The following NFIL3 variants were observed in gnomAD, a reference collection of about 807,000 sequenced individuals.
NFIL3 encodes the protein nuclear factor interleukin-3-regulated protein.
A neutral mutation model predicts 10.0 loss-of-function variants in NFIL3; 5 were observed. The observed-to-expected ratio is 0.50, with a 90% CI of 0.26 to 1.06. The LOEUF is 1.06. Among genes scored for constraint, NFIL3 ranks in the 50% least tolerant of loss-of-function variants. The pLI, the probability that NFIL3 is intolerant of heterozygous loss-of-function variation, is 0.13. For missense variants in NFIL3, 436 were observed against 547.6 expected (o/e 0.80, Z 2.03); for synonymous variants, 202 against 206.5 (o/e 0.98, Z 0.19).
chr9:91,458,319 G>T, the NFIL3 span, among the ~76,000 whole-genome samples: 4 of 152,058 alleles, frequency 2.6e-5, no homozygotes, highest in South Asian at 4.1e-4. Context: ...ATTTCATTAT[G>T]AGATTCAGGG....
the NFIL3 span, among the ~76,000 whole-genome samples, chr9:91,429,142 A>G: frequency 2.6e-5 from 4 of 152,228 alleles, no homozygotes; most frequent in Non-Finnish European, 4.4e-5. Flanking sequence ...ATCCAGTTCA[A>G]ATCAACGAAG....
chr9:91,424,806 C>T (rs1317566349), upstream of NFIL3, among the ~76,000 whole-genome samples: 1 of 152,212 alleles, frequency 6.6e-6, no homozygotes, highest in Non-Finnish European at 1.5e-5. Context: ...TTGAGACGAC[C>T]GCGCGGGATC....
chr9:91,418,641 A>T (rs545605536), intron 1 of NFIL3, among the ~76,000 whole-genome samples: 115 of 152,342 alleles, frequency 7.5e-4, no homozygotes, highest in African/African-American at 2.5e-3. Context: ...AGGCCAGTTA[A>T]TTACAGTTTA....
the NFIL3 span, among the ~76,000 whole-genome samples, chr9:91,457,935 T>C: frequency 6.6e-6 from 1 of 152,068 alleles, no homozygotes; most frequent in Non-Finnish European, 1.5e-5. Flanking sequence ...TCATACAGTT[T>C]TTTTCTTTTC....
the NFIL3 span, among the ~76,000 whole-genome samples, chr9:91,454,946 A>G: frequency 1.3e-5 from 2 of 152,330 alleles, no homozygotes; most frequent in South Asian, 4.1e-4. Context: ...TTAAATGTCT[A>G]CTATGTGTTA....
At chr9:91,422,317 T>C (rs1833785538) in intron 1 of NFIL3, among the ~76,000 whole-genome samples, 1 of 152,122 alleles carries the variant, frequency 6.6e-6, no homozygotes, top group Non-Finnish European at 1.5e-5. Flanking sequence ...ACACCAGAAA[T>C]AGCACTGCGA....
upstream of NFIL3, among the ~76,000 whole-genome samples, chr9:91,428,661 C>A (rs972471100): frequency 1.4e-4 from 21 of 152,180 alleles, no homozygotes; most frequent in African/African-American, 5.1e-4. Flanking sequence ...GACATGATTT[C>A]CCCAGACAAA....
the NFIL3 span, among the ~76,000 whole-genome samples, chr9:91,453,876 CATT>C: frequency 6.6e-6 from 1 of 152,020 alleles, no homozygotes; most frequent in Non-Finnish European, 1.5e-5. Flanking sequence ...TGGAATTAAA[CATT>C]AGTTTTTGAC....
chr9:91,461,996 T>G, the NFIL3 span, among the ~76,000 whole-genome samples: 12 of 152,080 alleles, frequency 7.9e-5, no homozygotes, highest in Admixed American at 7.9e-4. Flanking sequence ...TAGTCAACAT[T>G]AACAAAATGG....
the NFIL3 span, among the ~76,000 whole-genome samples, chr9:91,476,749 C>T: frequency 1.3e-5 from 2 of 152,176 alleles, no homozygotes; most frequent in African/African-American, 4.8e-5. Flanking sequence ...CTGAATATCA[C>T]ATTTTGTAAA....
the NFIL3 span, among the ~76,000 whole-genome samples, chr9:91,449,650 G>A: frequency 6.6e-6 from 1 of 151,956 alleles, no homozygotes; most frequent in East Asian, 1.9e-4. Flanking sequence ...CATAAGGGAC[G>A]TTGGTCTGAA....
At chr9:91,416,821 A>C (rs1043940129) in intron 1 of NFIL3, among the ~76,000 whole-genome samples, 1 of 152,230 alleles carries the variant, frequency 6.6e-6, no homozygotes, top group Non-Finnish European at 1.5e-5. Context: ...TTTAAGTCAG[A>C]TTACCCTATT....
chr9:91,476,140 C>T, the NFIL3 span, among the ~76,000 whole-genome samples: 1 of 152,234 alleles, frequency 6.6e-6, no homozygotes, highest in African/African-American at 2.4e-5. Flanking sequence ...GTAAGGCTTT[C>T]TACCTCATTC....
chr9:91,425,876 C>CTA (rs1199318423), upstream of NFIL3, among the ~76,000 whole-genome samples: 1 of 152,160 alleles, frequency 6.6e-6, no homozygotes, highest in Admixed American at 6.5e-5. Context: ...AAATCATATC[C>CTA]ATATTAGTTG....
At chr9:91,442,712 G>A in the NFIL3 span, among the ~76,000 whole-genome samples, 2 of 152,174 alleles carry the variant, frequency 1.3e-5, no homozygotes, top group Non-Finnish European at 2.9e-5. Context: ...TTCTGCTGTG[G>A]GTGCCCACAT....
intron 1 of NFIL3, among the ~76,000 whole-genome samples, chr9:91,411,215 C>A (rs1050543810): frequency 6.6e-6 from 1 of 151,994 alleles, no homozygotes; most frequent in South Asian, 2.1e-4. Context: ...TTTAATGAGG[C>A]GAAATGGAGA....
chr9:91,412,903 C>T (rs1656623586), intron 1 of NFIL3, among the ~76,000 whole-genome samples: 1 of 151,760 alleles, frequency 6.6e-6, no homozygotes. Context: ...GCCACTATCT[C>T]CTTCTTACGC....
At chr9:91,437,782 T>G in the NFIL3 span, among the ~76,000 whole-genome samples, 1 of 152,268 alleles carries the variant, frequency 6.6e-6, no homozygotes, top group South Asian at 2.1e-4. Flanking sequence ...GTGTCTAGCT[T>G]ATTTCACTTA....
At chr9:91,411,268 G>A (rs527875850) in intron 1 of NFIL3, among the ~76,000 whole-genome samples, 1 of 152,322 alleles carries the variant, frequency 6.6e-6, no homozygotes, top group South Asian at 2.1e-4. Context: ...ATGACAGATA[G>A]CCTCTGGTTG....
Sources: gnomAD v4.1 joint callset for allele counts (sites outside exome capture counted in the v4.1 genomes callset) on GRCh38, gnomAD v4.1.1 for gene constraint, MANE v1.5 for transcripts, NCBI Gene and HGNC (gene_info 2026-07-23, HGNC 2026-07-21) for gene names.